The following ACSS2 variants were observed in gnomAD, a reference collection of about 807,000 sequenced individuals.
ACSS2 encodes the protein acetyl-coenzyme A synthetase, cytoplasmic.
In ACSS2, 58 loss-of-function variants were observed where a neutral mutation model predicts 90.6. The ratio of observed to expected loss-of-function variants is 0.64; its 90% CI spans 0.52 to 0.80. The LOEUF is 0.80. Ranked by LOEUF, ACSS2 falls within the 30% of genes least tolerant of loss-of-function variation. The probability of loss-of-function intolerance (pLI) is 0.00; values close to 1 mark genes in which losing one functional copy is unlikely to be tolerated. For missense variants in ACSS2, 759 were observed against 912.0 expected, an observed-to-expected ratio of 0.83 and a Z score of 2.16; for synonymous variants, 300 against 330.9, an observed-to-expected ratio of 0.91 and a Z score of 1.01.
chr20:34,880,786 C>T (rs1488440054), intron 1 of ACSS2, among the ~76,000 whole-genome samples: 3 of 151,882 alleles, frequency 2.0e-5, no homozygotes, highest in Admixed American at 6.6e-5. Flanking sequence ...TACATTACAA[C>T]GTTGTACACT....
chr20:34,911,777 A>G (rs1395118088), intron 2 of ACSS2, among the ~76,000 whole-genome samples: 1 of 152,120 alleles, frequency 6.6e-6, no homozygotes, highest in Non-Finnish European at 1.5e-5. Flanking sequence ...AAGCTCCATG[A>G]TATCAGGTAT....
chr20:34,918,767 C>T (rs1293012206), intron 7 of ACSS2, among the ~76,000 whole-genome samples: 2 of 152,226 alleles, frequency 1.3e-5, no homozygotes, highest in Non-Finnish European at 2.9e-5. Context: ...CCTGTAAGCT[C>T]TGACTAATTT....
At chr20:34,895,823 C>T (rs548930284) in intron 2 of ACSS2, among the ~76,000 whole-genome samples, 13 of 152,288 alleles carry the variant, frequency 8.5e-5, no homozygotes, top group African/African-American at 3.1e-4. Flanking sequence ...TCATATTTTT[C>T]TGTGCAGGTA....
At chr20:34,876,254 G>T (rs944381455), upstream of ACSS2, among the ~76,000 whole-genome samples, 2 of 151,738 alleles carry the variant, frequency 1.3e-5, no homozygotes, top group Admixed American at 6.6e-5. Flanking sequence ...AACCAGCCGG[G>T]TTACTCCCCA....
At chr20:34,876,150 C>G (rs989632562), upstream of ACSS2, among the ~76,000 whole-genome samples, 8 of 152,166 alleles carry the variant, frequency 5.3e-5, no homozygotes, top group African/African-American at 1.9e-4. Context: ...ATCCCTTTCC[C>G]TTTCGATCCT....
At chr20:34,877,072 C>T (rs907555848) in intron 1 of ACSS2, among the ~76,000 whole-genome samples, 2 of 152,004 alleles carry the variant, frequency 1.3e-5, no homozygotes, top group Non-Finnish European at 2.9e-5. Flanking sequence ...CGAGGAGACG[C>T]GGGATTCCGT....
intron 7 of ACSS2, chr20:34,915,123 G>C: frequency 7.5e-7 from 1 of 1,331,906 alleles, no homozygotes; most frequent in Non-Finnish European, 1.1e-6. Context: ...CCAGTGAGAA[G>C]GGAGTTTGGG....
chr20:34,915,722 T>A (rs1443890568), intron 7 of ACSS2, among the ~76,000 whole-genome samples: 2 of 152,180 alleles, frequency 1.3e-5, no homozygotes, highest in East Asian at 3.8e-4. Context: ...CTAAATACAT[T>A]TATATAGTGC....
At chr20:34,908,520 G>A (rs2080864673) in intron 2 of ACSS2, among the ~76,000 whole-genome samples, 1 of 152,074 alleles carries the variant, frequency 6.6e-6, no homozygotes, top group Admixed American at 6.6e-5. Flanking sequence ...GGCCTTCCAG[G>A]ACCATCTTAT....
Position 34,905,976 on chromosome 20 carries a change from C to G in ACSS2, c.375-7120C>G, listed in dbSNP as rs539566122. On this transcript the variant is annotated intron_variant, in intron 2 of 17. Transcript: ENST00000360596. ...GCTGTGGTAACCCACCCTGTGATGC[C>G]AAGCATAGCTAATAGCCTCTTTGGA... 1.2e-4 allele frequency among the ~76,000 whole-genome samples: 19 copies of G among 152,304 alleles called. 1 individual carries two copies. The South Asian group carries it at 3.9e-3, about 32-fold the overall frequency.
intron 2 of ACSS2, among the ~76,000 whole-genome samples, chr20:34,902,327 TAAC>T (rs935897860): frequency 1.3e-5 from 2 of 152,016 alleles, no homozygotes; most frequent in African/African-American, 4.8e-5. Context: ...ATATTAACAA[TAAC>T]AATAAGTAAA....
At position 34,876,800 on chromosome 20, in the gene ACSS2, G is replaced by C. The variant is rs764139474; in HGVS notation, c.155G>C (p.Arg52Pro). ...PSLQRYRELH[R>P]RSVEEPREFW... ...CTGCAGCGCTACCGCGAGCTGCACCGGCGCTCCGTGGAGGAGCCGCGGGGT... is the reference window on the plus strand; with the variant it reads ...CTGCAGCGCTACCGCGAGCTGCACCCGCGCTCCGTGGAGGAGCCGCGGGGT... Residue 52 changes from arginine (R) to proline (P), a missense_variant, in exon 1 of 18, where the codon CGG becomes CCG. By Grantham distance (103) the Arg-to-Pro change is moderately radical. Coordinates refer to ENST00000360596, the MANE Select transcript of ACSS2 (RefSeq NM_018677.4). The C allele has an allele frequency of 3.9e-5, 52 of 1,322,074 alleles. No homozygotes were observed. In the African/African-American group the frequency reaches 6.9e-4, roughly 18 times the overall value. The allele number at this position is 1,322,074 out of a possible 1,614,324, so 81.9% of individuals were successfully genotyped here.
rs1279792863 is a variant in ACSS2 at position 34,908,866 on chromosome 20, A to G, written c.375-4230A>G. On this transcript the variant is annotated intron_variant, in intron 2 of 17. Transcript: ENST00000360596. ...ACAGGAGCAAAACTCCATCTTGGGA[A>G]AAAAAAAAAAAAAAAGCACACATCT... The G allele has an allele frequency of 2.3e-4, 64 of 274,436 alleles. No individual in the cohort carries two copies. In the Middle Eastern group the frequency reaches 5.4e-3, roughly 23 times the overall value. 17.0% of individuals were successfully genotyped at this position (274,436 alleles called of 1,614,324 possible).
At chr20:34,893,822 T>C (rs2080396916) in intron 2 of ACSS2, among the ~76,000 whole-genome samples, 1 of 152,210 alleles carries the variant, frequency 6.6e-6, no homozygotes, top group Admixed American at 6.5e-5. Context: ...TTCTAAGGTC[T>C]GGTCTACTTA....
chr20:34,919,868 G>A (rs80093167), intron 8 of ACSS2, among the ~76,000 whole-genome samples: 1 of 152,004 alleles, frequency 6.6e-6, no homozygotes, highest in African/African-American at 2.4e-5. Context: ...GTTAACTCAA[G>A]GCCAAGGGTG....
chr20:34,887,916 C>G (rs1352428357), intron 2 of ACSS2, among the ~76,000 whole-genome samples: 3 of 149,582 alleles, frequency 2.0e-5, no homozygotes, highest in Non-Finnish European at 4.4e-5. Flanking sequence ...ACTAAAAATA[C>G]AAAAATAGCC....
intron 11 of ACSS2, 24 bp downstream of exon 11, chr20:34,921,486 G>A: frequency 6.2e-7 from 1 of 1,614,016 alleles, no homozygotes; most frequent in Non-Finnish European, 8.5e-7. Context: ...ACAGAAGGCT[G>A]GGGCCCAGGG....
intron 7 of ACSS2, among the ~76,000 whole-genome samples, chr20:34,918,234 A>G (rs947314127): frequency 2.6e-5 from 4 of 152,240 alleles, no homozygotes; most frequent in African/African-American, 9.6e-5. Context: ...CTGTTAAGGC[A>G]AGAATGACTG....
intron 2 of ACSS2, among the ~76,000 whole-genome samples, chr20:34,890,821 G>T (rs1458988918): frequency 1.3e-5 from 2 of 151,944 alleles, no homozygotes; most frequent in Non-Finnish European, 2.9e-5. Context: ...GGCAACTTTA[G>T]GATTGACCCT....
Sources: gnomAD v4.1 joint callset for allele counts (sites outside exome capture counted in the v4.1 genomes callset) on GRCh38, gnomAD v4.1.1 for gene constraint, MANE v1.5 for transcripts, NCBI Gene and HGNC (gene_info 2026-07-23, HGNC 2026-07-21) for gene names.